ILRUN: variants seen among roughly 807,000 people sequenced by gnomAD.
The protein encoded by ILRUN is protein ILRUN.
Under a neutral mutation model 33.8 loss-of-function variants are expected in ILRUN, and 3 were observed. The observed-to-expected ratio is 0.09, with a 90% CI of 0.04 to 0.23. The LOEUF (loss-of-function observed/expected upper bound fraction) is 0.23. Ranked by LOEUF, ILRUN falls within the 10% of genes least tolerant of loss-of-function variation. The pLI, the probability that ILRUN is intolerant of heterozygous loss-of-function variation, is 1.00. For synonymous variants in ILRUN, 124 were observed against 138.9 expected (o/e 0.89, Z 0.75); for missense variants, 210 against 375.1 (o/e 0.56, Z 3.64).
At chr6:34,633,957 T>C (rs2127350637) in intron 3 of ILRUN, among the ~76,000 whole-genome samples, 1 of 137,212 alleles carries the variant, frequency 7.3e-6, no homozygotes, top group East Asian at 2.3e-4. Flanking sequence ...CTGACCACAA[T>C]GGAATTAAAC....
At chr6:34,643,715 T>G (rs1272377325) in intron 3 of ILRUN, among the ~76,000 whole-genome samples, 1 of 152,258 alleles carries the variant, frequency 6.6e-6, no homozygotes, top group Admixed American at 6.5e-5. Flanking sequence ...TATCTTTTTT[T>G]GTTTGATATG....
intron 1 of ILRUN, among the ~76,000 whole-genome samples, chr6:34,673,196 T>C (rs1763152271): frequency 6.6e-6 from 1 of 152,126 alleles, no homozygotes; most frequent in African/African-American, 2.4e-5. Flanking sequence ...TCTTGCACTT[T>C]CAGGAAGCTT....
At chr6:34,657,353 T>TA (rs1762791912) in intron 1 of ILRUN, among the ~76,000 whole-genome samples, 1 of 152,150 alleles carries the variant, frequency 6.6e-6, no homozygotes, top group South Asian at 2.1e-4. Flanking sequence ...GCCATCAGGA[T>TA]AGGACTTTAA....
intron 4 of ILRUN, among the ~76,000 whole-genome samples, chr6:34,601,708 C>A (rs79316477): frequency 1.8e-5 from 2 of 111,028 alleles, no homozygotes; most frequent in Non-Finnish European, 3.7e-5. Flanking sequence ...AGTACCCGCC[C>A]CCCCAACTAC....
rs1050412838 is a variant in ILRUN, at chr6:34,589,342, G to A, written c.*1223C>T. The A allele has an allele frequency of 1.3e-5, 2 of 152,260 alleles. No homozygotes were observed. Among genetic ancestry groups the A allele is most frequent in the Non-Finnish European group, 2.9e-5 (2 of 68,058 alleles). The allele number at this position is 152,260 out of a possible 1,614,324, so 9.4% of individuals were successfully genotyped here. A position where few individuals can be genotyped will look rare whatever the true frequency, so the allele number is the denominator to read the frequency against. On this transcript the variant is annotated 3_prime_UTR_variant, in exon 5 of 5. Transcript: ENST00000374023. Reference sequence around the variant, plus strand: ...AATAATCTAGCATCCTGGCAGGGAGGCGGGGCTGTGGAGGTCCTCTCATTT... The same window carrying A: ...AATAATCTAGCATCCTGGCAGGGAGACGGGGCTGTGGAGGTCCTCTCATTT...
chr6:34,679,309 T>TA (rs1763308329), intron 1 of ILRUN, among the ~76,000 whole-genome samples: 2 of 152,240 alleles, frequency 1.3e-5, no homozygotes, highest in South Asian at 4.1e-4. Flanking sequence ...GTCCAATCTT[T>TA]ATGAGGTGTA....
At chr6:34,680,803 A>AT (rs983411186) in intron 1 of ILRUN, among the ~76,000 whole-genome samples, 1 of 150,504 alleles carries the variant, frequency 6.6e-6, no homozygotes, top group Non-Finnish European at 1.5e-5. Flanking sequence ...GATCCTAACA[A>AT]TTTTTTTTTC....
chr6:34,610,402 T>C (rs1761724685), intron 3 of ILRUN, among the ~76,000 whole-genome samples: 1 of 152,138 alleles, frequency 6.6e-6, no homozygotes, highest in African/African-American at 2.4e-5. Context: ...GGAGAATCAT[T>C]CCATGCTCTC....
intron 3 of ILRUN, among the ~76,000 whole-genome samples, chr6:34,608,823 G>A (rs1444531591): frequency 1.3e-5 from 2 of 152,206 alleles, no homozygotes; most frequent in Non-Finnish European, 2.9e-5. Flanking sequence ...ATTTGCTCAA[G>A]TGCCAAAGCT....
intron 4 of ILRUN, among the ~76,000 whole-genome samples, chr6:34,599,402 GC>G (rs1181237720): frequency 6.6e-6 from 1 of 152,062 alleles, no homozygotes; most frequent in African/African-American, 2.4e-5. Context: ...GGGGAATTTT[GC>G]CCCCCAAGAG....
Position 34,635,276 on chromosome 6 carries a change from T to C in ILRUN, c.511+11325A>G, listed in dbSNP as rs568616395. Reference sequence around the variant, plus strand: ...TGGGCACAGTGGCTCACGTCTGTAATCCCAGCACTCTGGGAGGCCGAGGCA... The same window carrying C: ...TGGGCACAGTGGCTCACGTCTGTAACCCCAGCACTCTGGGAGGCCGAGGCA... On this transcript the variant is annotated intron_variant, in intron 3 of 4. Transcript: ENST00000374023. 2.3e-3 allele frequency among the ~76,000 whole-genome samples: 355 copies of C among 152,184 alleles called. 1 individual carries two copies. Among genetic ancestry groups the C allele is most frequent in the Admixed American group, 6.1e-3 (93 of 15,270 alleles).
intron 1 of ILRUN, among the ~76,000 whole-genome samples, chr6:34,663,258 CA>C (rs1257881789): frequency 1.3e-5 from 2 of 151,864 alleles, no homozygotes; most frequent in Admixed American, 6.6e-5. Context: ...TCTGTCTCTA[CA>C]AAAAAATTGA....
In ILRUN at chr6:34,678,856, A is replaced by AAAAG. The variant is rs1283370874; in HGVS notation, c.158+17586_158+17589dup. ...CGTCTCAAAAAAAAAAAAAAAAAAA[A>AAAAG]AAAGAAAGAAAGAAAGAAATTTCAT... is the stretch of plus-strand genomic sequence containing the variant. On this transcript the variant is annotated intron_variant, in intron 1 of 4. Transcript: ENST00000374023. Among the ~76,000 whole-genome samples, 105 of 149,944 alleles carry AAAAG rather than the reference A, an allele frequency of 7.0e-4. 1 individual carries two copies. Among genetic ancestry groups the AAAAG allele is most frequent in the East Asian group, 3.9e-3 (20 of 5,140 alleles).
rs180711618 is a variant in ILRUN, at chr6:34,621,582, G to A, written c.512-14678C>T. ...GTCAAAACTTATCACAAAGTGGCCC[G>A]GCATGGTGGCTCATGCCTGTAATCC... On this transcript the variant is annotated intron_variant, in intron 3 of 4. Coordinates refer to ENST00000374023, the MANE Select transcript of ILRUN (RefSeq NM_024294.4). 8.5e-5 allele frequency among the ~76,000 whole-genome samples: 13 copies of A among 152,246 alleles called. 1 individual carries two copies. The highest frequency in any genetic ancestry group is 3.9e-4 in the East Asian group (2 of 5,182).
intron 3 of ILRUN, among the ~76,000 whole-genome samples, chr6:34,630,060 C>T (rs570035044): frequency 6.6e-6 from 1 of 151,998 alleles, no homozygotes; most frequent in African/African-American, 2.4e-5. Flanking sequence ...CATTTTGGGG[C>T]CATTATTAAG....
chr6:34,595,393 T>C (rs1761380615), intron 4 of ILRUN, among the ~76,000 whole-genome samples: 1 of 152,238 alleles, frequency 6.6e-6, no homozygotes. Flanking sequence ...AATCATTCCA[T>C]TTCAGTTGTA....
At chr6:34,639,758 G>A (rs1424198859) in intron 3 of ILRUN, among the ~76,000 whole-genome samples, 1 of 152,118 alleles carries the variant, frequency 6.6e-6, no homozygotes, top group Admixed American at 6.5e-5. Context: ...ACTAGTGACA[G>A]CCAAAGTAAT....
chr6:34,656,932 A>G (rs1053319696), intron 1 of ILRUN, among the ~76,000 whole-genome samples: 8 of 152,210 alleles, frequency 5.3e-5, no homozygotes, highest in Non-Finnish European at 1.0e-4. Flanking sequence ...TTGACTATTC[A>G]ATACAAAGCT....
intron 3 of ILRUN, among the ~76,000 whole-genome samples, chr6:34,615,544 C>T (rs113340872): frequency 0.024 from 3,671 of 152,102 alleles, 60 homozygotes; most frequent in Non-Finnish European, 0.034. Context: ...TGCAGTGAGC[C>T]GAGATCATGC....
Sources: allele counts gnomAD v4.1 joint callset (sites outside exome capture counted in the v4.1 genomes callset), GRCh38; gene constraint gnomAD v4.1.1; transcripts MANE v1.5; gene names NCBI Gene and HGNC (gene_info 2026-07-23, HGNC 2026-07-21).